The following SPATA16 variants were observed in gnomAD, a reference collection of about 807,000 sequenced individuals.
SPATA16 encodes spermatogenesis associated 16.
In SPATA16, 36 loss-of-function variants were observed where a neutral mutation model predicts 63.3. That is an observed-to-expected ratio of 0.57 (90% confidence interval 0.44 to 0.75). SPATA16 has a LOEUF of 0.75. Among genes scored for constraint, SPATA16 ranks in the 30% least tolerant of loss-of-function variants. The probability of loss-of-function intolerance (pLI) is 0.00; values close to 1 mark genes in which losing one functional copy is unlikely to be tolerated. For synonymous variants in SPATA16, 203 were observed against 216.7 expected, an observed-to-expected ratio of 0.94 and a Z score of 0.56; for missense variants, 646 against 679.3, an observed-to-expected ratio of 0.95 and a Z score of 0.54.
intron 4 of SPATA16, among the ~76,000 whole-genome samples, chr3:173,006,500 A>G (rs1352730605): frequency 1.3e-5 from 2 of 152,244 alleles, no homozygotes; most frequent in African/African-American, 4.8e-5. Context: ...AATGCATCTT[A>G]GACTTCTAAG....
intron 1 of SPATA16, among the ~76,000 whole-genome samples, chr3:173,122,587 T>A: frequency 6.6e-6 from 1 of 152,332 alleles, no homozygotes; most frequent in African/African-American, 2.4e-5. Context: ...ACACCTTGCT[T>A]GTTAGTCTAC....
At chr3:173,003,547 CA>C (rs1423600793) in intron 4 of SPATA16, among the ~76,000 whole-genome samples, 1 of 152,102 alleles carries the variant, frequency 6.6e-6, no homozygotes, top group Non-Finnish European at 1.5e-5. Flanking sequence ...CTACCAAATG[CA>C]AAACATAATT....
intron 4 of SPATA16, among the ~76,000 whole-genome samples, chr3:173,005,647 A>T (rs1269942981): frequency 1.3e-5 from 2 of 152,216 alleles, no homozygotes; most frequent in Admixed American, 1.3e-4. Flanking sequence ...TTCAAAAGAA[A>T]AAAGGGGCAA....
chr3:173,014,800 T>C (rs1414064527), intron 4 of SPATA16, among the ~76,000 whole-genome samples: 3 of 152,172 alleles, frequency 2.0e-5, no homozygotes, highest in Non-Finnish European at 4.4e-5. Flanking sequence ...TCCTGGTTTG[T>C]ACCTGTTTTC....
intron 1 of SPATA16, among the ~76,000 whole-genome samples, chr3:173,131,409 A>G (rs867824591): frequency 5.9e-5 from 9 of 152,198 alleles, no homozygotes; most frequent in Non-Finnish European, 7.3e-5. Context: ...AAGTGAGCTG[A>G]CTTTGACAGG....
At chr3:172,944,295 C>T (rs1733230748) in intron 6 of SPATA16, among the ~76,000 whole-genome samples, 1 of 152,146 alleles carries the variant, frequency 6.6e-6, no homozygotes, top group African/African-American at 2.4e-5. Flanking sequence ...AAATGCAAAT[C>T]AAAGCCACAG....
intron 2 of SPATA16, among the ~76,000 whole-genome samples, chr3:173,077,485 T>C (rs1278462490): frequency 6.6e-6 from 1 of 152,186 alleles, no homozygotes; most frequent in African/African-American, 2.4e-5. Context: ...CATTCCTCCA[T>C]AGGAGGATAA....
At chr3:172,931,801 C>T (rs1732877993) in intron 6 of SPATA16, among the ~76,000 whole-genome samples, 1 of 152,124 alleles carries the variant, frequency 6.6e-6, no homozygotes, top group South Asian at 2.1e-4. Context: ...TTCTGTTCAC[C>T]TTATGAAGGG....
At chr3:173,087,989 T>A (rs1737102832) in intron 2 of SPATA16, among the ~76,000 whole-genome samples, 1 of 151,764 alleles carries the variant, frequency 6.6e-6, no homozygotes, top group Non-Finnish European at 1.5e-5. Context: ...GAGAATCTGA[T>A]GATTAGCATT....
chr3:173,053,376 CTAATAA>C (rs537862127), intron 2 of SPATA16, among the ~76,000 whole-genome samples: 1 of 151,272 alleles, frequency 6.6e-6, no homozygotes, highest in Non-Finnish European at 1.5e-5. Flanking sequence ...GATTCAGTCT[CTAATAA>C]TAATAATAAT....
intron 6 of SPATA16, among the ~76,000 whole-genome samples, chr3:172,954,836 T>C (rs977391484): frequency 6.6e-6 from 1 of 152,200 alleles, no homozygotes; most frequent in Non-Finnish European, 1.5e-5. Context: ...CAAAGCACAG[T>C]TTCCACAGAG....
intron 2 of SPATA16, among the ~76,000 whole-genome samples, chr3:173,089,321 G>A (rs1289986439): frequency 6.6e-6 from 1 of 152,202 alleles, no homozygotes; most frequent in East Asian, 1.9e-4. Context: ...TCCTCCAGAG[G>A]CAGGAGGCCA....
At chr3:172,977,194 A>C in intron 4 of SPATA16, 142 bp from the exon 5 acceptor site, 1 of 733,286 alleles carries the variant, frequency 1.4e-6, no homozygotes, top group Non-Finnish European at 2.3e-6. Flanking sequence ...AGCAAAACAC[A>C]AAGCACATTT....
chr3:172,967,938 A>G (rs1733955218), intron 5 of SPATA16, among the ~76,000 whole-genome samples: 2 of 152,232 alleles, frequency 1.3e-5, no homozygotes, highest in Non-Finnish European at 2.9e-5. Context: ...ATGAAAATAA[A>G]GTGCACAATA....
intron 6 of SPATA16, among the ~76,000 whole-genome samples, chr3:172,931,887 A>T (rs566778967): frequency 6.6e-6 from 1 of 152,184 alleles, no homozygotes; most frequent in Admixed American, 6.5e-5. Flanking sequence ...CTTTGCCTGG[A>T]TGGAAAAATT....
chr3:172,917,612 G>A (rs1732523931), intron 8 of SPATA16, among the ~76,000 whole-genome samples: 1 of 152,238 alleles, frequency 6.6e-6, no homozygotes, highest in Middle Eastern at 3.4e-3. Flanking sequence ...TTTCAGCTAG[G>A]TGCCTCCCCA....
intron 1 of SPATA16, among the ~76,000 whole-genome samples, chr3:173,140,857 G>T (rs866525669): frequency 1.3e-5 from 2 of 152,306 alleles, no homozygotes; most frequent in African/African-American, 4.8e-5. Context: ...GGGTGACCCG[G>T]TGCAGCGGAC....
At chr3:173,081,220 A>G (rs934192504) in intron 2 of SPATA16, among the ~76,000 whole-genome samples, 1 of 152,236 alleles carries the variant, frequency 6.6e-6, no homozygotes, top group African/African-American at 2.4e-5. Flanking sequence ...ATAGACTTGT[A>G]TTCATACTCA....
intron 2 of SPATA16, among the ~76,000 whole-genome samples, chr3:173,075,705 G>A (rs1304756407): frequency 6.6e-6 from 1 of 152,070 alleles, no homozygotes; most frequent in African/African-American, 2.4e-5. Context: ...TCACTAACAT[G>A]TTGAAGCTAA....
Sources: allele counts gnomAD v4.1 joint callset (sites outside exome capture counted in the v4.1 genomes callset), GRCh38; gene constraint gnomAD v4.1.1; transcripts MANE v1.5; gene names NCBI Gene and HGNC (gene_info 2026-07-23, HGNC 2026-07-21).